SH3BP4: variants seen among roughly 807,000 people sequenced by gnomAD.
SH3BP4 encodes SH3 domain binding protein 4.
SH3BP4 carries 33 observed loss-of-function variants against 65.5 expected under a neutral mutation model. The observed-to-expected ratio is 0.50, with a 90% CI of 0.38 to 0.67. The LOEUF is 0.67. SH3BP4 is among the 30% of genes least tolerant of loss of function. The pLI is 0.00. For synonymous variants in SH3BP4, 552 were observed against 545.5 expected, an observed-to-expected ratio of 1.01 and a Z score of -0.17; for missense variants, 1,134 against 1,261.4, an observed-to-expected ratio of 0.90 and a Z score of 1.53.
intron 1 of SH3BP4, among the ~76,000 whole-genome samples, chr2:234,964,005 T>C (rs1167267873): frequency 1.3e-5 from 2 of 152,186 alleles, no homozygotes; most frequent in Non-Finnish European, 2.9e-5. Flanking sequence ...GGAAAACTAA[T>C]TTATGGGCGG....
intron 1 of SH3BP4, among the ~76,000 whole-genome samples, chr2:234,985,739 A>T (rs1307363198): frequency 6.6e-6 from 1 of 152,192 alleles, no homozygotes. Context: ...GACTGTGCGC[A>T]GGTGAACCAG....
chr2:234,988,340 T>G (rs778646034), intron 1 of SH3BP4, among the ~76,000 whole-genome samples: 20 of 152,212 alleles, frequency 1.3e-4, no homozygotes, highest in African/African-American at 1.9e-4. Context: ...ATTACAGGCG[T>G]GAGCCACCAC....
intron 1 of SH3BP4, among the ~76,000 whole-genome samples, chr2:234,953,736 A>G: frequency 6.6e-6 from 1 of 152,100 alleles, no homozygotes; most frequent in East Asian, 1.9e-4. Context: ...ATGCAGTGTA[A>G]TAGGCTGCCT....
intron 2 of SH3BP4, among the ~76,000 whole-genome samples, chr2:235,012,604 A>G (rs1694547355): frequency 6.6e-6 from 1 of 152,146 alleles, no homozygotes; most frequent in Non-Finnish European, 1.5e-5. Flanking sequence ...AGCCTCGCTC[A>G]TAGTTCCCTC....
At chr2:234,990,719 C>A (rs1393485362) in intron 1 of SH3BP4, among the ~76,000 whole-genome samples, 1 of 152,164 alleles carries the variant, frequency 6.6e-6, no homozygotes, top group Non-Finnish European at 1.5e-5. Context: ...TTTGACGGGG[C>A]TGTTGTCAAT....
At chr2:235,053,536 C>A in intron 5 of SH3BP4, 56 bp from the exon 6 acceptor site, 1 of 1,357,416 alleles carries the variant, frequency 7.4e-7, no homozygotes, top group Non-Finnish European at 1.1e-6. Flanking sequence ...CTCGTTCTGT[C>A]TCCTAATCTT....
chr2:235,051,916 A>C (rs960261954), intron 4 of SH3BP4, among the ~76,000 whole-genome samples: 6 of 152,100 alleles, frequency 3.9e-5, no homozygotes, highest in Non-Finnish European at 8.8e-5. Flanking sequence ...TGACAACTCT[A>C]ATCCATATTC....
chr2:235,032,291 G>C (rs1224258761), intron 2 of SH3BP4, among the ~76,000 whole-genome samples: 3 of 152,230 alleles, frequency 2.0e-5, no homozygotes, highest in African/African-American at 7.2e-5. Flanking sequence ...GGTGCAGTCA[G>C]ATGGAGACTC....
At chr2:235,023,957 G>T (rs780064091) in intron 2 of SH3BP4, among the ~76,000 whole-genome samples, 1 of 152,072 alleles carries the variant, frequency 6.6e-6, no homozygotes, top group Admixed American at 6.5e-5. Context: ...TCCTAAAGAC[G>T]GGTATATTGA....
chr2:234,960,386 A>G (rs1446761514), intron 1 of SH3BP4, among the ~76,000 whole-genome samples: 1 of 152,360 alleles, frequency 6.6e-6, no homozygotes, highest in East Asian at 1.9e-4. Flanking sequence ...GGTTCAGTAC[A>G]GAGCAGCAGC....
At chr2:234,982,842 AG>A (rs1693429057) in intron 1 of SH3BP4, among the ~76,000 whole-genome samples, 1 of 149,544 alleles carries the variant, frequency 6.7e-6, no homozygotes, top group Admixed American at 6.7e-5. Context: ...GAAATGGGGC[AG>A]GGAAGCCTGG....
At chr2:235,048,676 C>T (rs1403653558) in intron 4 of SH3BP4, among the ~76,000 whole-genome samples, 3 of 152,214 alleles carry the variant, frequency 2.0e-5, no homozygotes, top group Non-Finnish European at 2.9e-5. Context: ...AGACTCTGGC[C>T]GCCAGGCCCG....
At chr2:235,029,136 C>T (rs1035495842) in intron 2 of SH3BP4, among the ~76,000 whole-genome samples, 4 of 152,150 alleles carry the variant, frequency 2.6e-5, no homozygotes, top group African/African-American at 4.8e-5. Context: ...CGAGAGATGA[C>T]GGTGGTGTGG....
intron 1 of SH3BP4, among the ~76,000 whole-genome samples, chr2:234,980,207 C>T (rs1396411487): frequency 6.6e-6 from 1 of 152,150 alleles, no homozygotes; most frequent in African/African-American, 2.4e-5. Flanking sequence ...CAGAAGGTGC[C>T]TGAAACTTCA....
At position 235,035,267 on chromosome 2, in the gene SH3BP4, T is replaced by C. The variant is rs1285636666; in HGVS notation, c.118+147T>C. 1.3e-5 allele frequency: 9 copies of C among 708,988 alleles called. No homozygotes were observed. The African/African-American group carries it at 1.4e-4, about 11-fold the overall frequency. The allele number at this position is 708,988 out of a possible 1,614,324, so 43.9% of individuals were successfully genotyped here. On this transcript the variant is annotated intron_variant, in intron 3 of 5. Transcript: ENST00000392011. This position sits in a 1 kb window ranked among gnomAD's most constrained non-coding sequence, Gnocchi z 5.0. ...CTTTAAACTTCATCATGGTAATAGATTTAGCCCTGGAATCATAGTCACTTG... is the reference window on the plus strand; with the variant it reads ...CTTTAAACTTCATCATGGTAATAGACTTAGCCCTGGAATCATAGTCACTTG...
chr2:235,052,901 G>A lies in SH3BP4; in HGVS notation c.2667+151G>A, dbSNP rs1574855118. On this transcript the variant is annotated intron_variant, in intron 5 of 5. Transcript: ENST00000392011. The surrounding 1 kb of genome is among the most constrained non-coding windows in gnomAD (Gnocchi z 5.0). ...TGCACGCATGTGCCCAGCACTGGGT[G>A]TGCCTCACTGAGTGGGAGCCATCCT... 1.3e-6 allele frequency: 1 copy of A among 778,436 alleles called. No homozygotes were observed. Among genetic ancestry groups the A allele is most frequent in the Admixed American group, 2.9e-5 (1 of 34,698 alleles). The allele number at this position is 778,436 out of a possible 1,614,324, so 48.2% of individuals were successfully genotyped here. A position where few individuals can be genotyped will look rare whatever the true frequency, so the allele number is the denominator to read the frequency against.
chr2:235,041,049 T>C lies in SH3BP4; in HGVS notation c.280T>C (p.Tyr94His). ...VLDTSGGEWWYAHNTTEMGYI... is the reference protein window; with the variant it reads ...VLDTSGGEWWHAHNTTEMGYI... Reference sequence around the variant, plus strand: ...GGACACATCTGGCGGTGAGTGGTGGTACGCACACAACACCACCGAAATGGG... The same window carrying C: ...GGACACATCTGGCGGTGAGTGGTGGCACGCACACAACACCACCGAAATGGG... The change falls in exon 4 of 6, where the codon TAC (tyrosine) becomes CAC (histidine). Residue 94 changes from tyrosine (Y) to histidine (H), a missense_variant. Transcript: ENST00000392011. This position sits in a 1 kb window ranked among gnomAD's most constrained non-coding sequence, Gnocchi z 6.0. The C allele has an allele frequency of 2.5e-6, 4 of 1,614,052 alleles. No individual in the cohort carries two copies. In the South Asian group the frequency reaches 3.3e-5, roughly 13 times the overall value.
At chr2:235,053,526 C>T (rs1464257741) in intron 5 of SH3BP4, 66 bp from the exon 6 acceptor site, 2 of 1,248,234 alleles carry the variant, frequency 1.6e-6, no homozygotes, top group Admixed American at 1.8e-5. Flanking sequence ...AGGAACAAAT[C>T]TCGTTCTGTC....
In SH3BP4 at chr2:235,038,306, TATATATTATATATTA is replaced by T. The variant is rs1695478678; in HGVS notation, c.119-2581_119-2567del. 2.3e-3 allele frequency among the ~76,000 whole-genome samples: 30 copies of T among 12,812 alleles called. 1 individual carries two copies. In the South Asian group the frequency reaches 0.032, roughly 14 times the overall value. 8.4% of individuals were successfully genotyped at this position (12,812 alleles called of 152,430 possible). On this transcript the variant is annotated intron_variant, in intron 3 of 5. Coordinates refer to ENST00000392011, the MANE Select transcript of SH3BP4 (RefSeq NM_014521.3). The stretch of plus-strand genomic sequence containing the variant: ...TTATATATAATATATATATTATATA[TATATATTATATATTA>T]TATATATATTATATATAGTATATAT...
Sources: gnomAD v4.1 joint callset for allele counts (sites outside exome capture counted in the v4.1 genomes callset) on GRCh38, gnomAD v4.1.1 for gene constraint, Gnocchi (gnomAD v3.1) non-coding constraint, MANE v1.5 for transcripts, NCBI Gene and HGNC (gene_info 2026-07-23, HGNC 2026-07-21) for gene names.